The following INTS10 variants were observed in gnomAD, a reference collection of about 807,000 sequenced individuals.
The protein encoded by INTS10 is chromosome 8 open reading frame 35.
A neutral mutation model predicts 94.4 loss-of-function variants in INTS10; 44 were observed. That is an observed-to-expected ratio of 0.47 (90% confidence interval 0.37 to 0.60). The LOEUF is 0.60. Ranked by LOEUF, INTS10 falls within the 20% of genes least tolerant of loss-of-function variation. The probability of loss-of-function intolerance (pLI) is 0.00; values close to 1 mark genes in which losing one functional copy is unlikely to be tolerated. For missense variants in INTS10, 797 were observed against 868.7 expected (o/e 0.92, Z 1.04); for synonymous variants, 341 against 320.7 (o/e 1.06, Z -0.68).
intron 3 of INTS10, 41 bp downstream of exon 3, chr8:19,819,717 A>G (rs781517568): frequency 7.1e-7 from 1 of 1,408,008 alleles, no homozygotes; most frequent in African/African-American, 1.4e-5. Flanking sequence ...CGGGAATACC[A>G]AATCATATAT....
At chr8:19,833,898 T>A (rs932699440) in intron 12 of INTS10, among the ~76,000 whole-genome samples, 1 of 151,826 alleles carries the variant, frequency 6.6e-6, no homozygotes, top group Admixed American at 6.6e-5. Flanking sequence ...TCCCAACTAC[T>A]TGGGAGACTG....
intron 13 of INTS10, chr8:19,841,702 C>T: frequency 2.4e-6 from 1 of 411,104 alleles, no homozygotes; most frequent in East Asian, 7.3e-5. Flanking sequence ...AGTCATGCAA[C>T]CATTCTGGAA....
chr8:19,841,692 A>G, intron 13 of INTS10: 1 of 397,716 alleles, frequency 2.5e-6, no homozygotes, highest in Admixed American at 2.9e-5. Flanking sequence ...AGGTGTATAA[A>G]GTCATGCAAC....
rs1183082274 is a variant in INTS10 at position 19,830,629 on chromosome 8, G to C, written c.1294+70G>C. The C allele has an allele frequency of 1.2e-5, 17 of 1,395,502 alleles. No homozygotes were observed. In the South Asian group the frequency reaches 1.9e-4, roughly 16 times the overall value. The allele number at this position is 1,395,502 out of a possible 1,614,324, so 86.4% of individuals were successfully genotyped here. A position where few individuals can be genotyped will look rare whatever the true frequency, so the allele number is the denominator to read the frequency against. On this transcript the variant is annotated intron_variant, in intron 10 of 16. Transcript: ENST00000397977. ...AATCATTACGCTACTTCAAATGTCA[G>C]GTCACTTACGGCAAATTAAGTTGAT...
At position 19,824,837 on chromosome 8, in the gene INTS10, C is replaced by G. The variant is rs371178343; in HGVS notation, c.871C>G (p.Leu291Val). The G allele has an allele frequency of 1.2e-6, 2 of 1,611,670 alleles. No individual in the cohort carries two copies. Among genetic ancestry groups the G allele is most frequent in the African/African-American group, 1.3e-5 (1 of 74,856 alleles). Residue 291 changes from leucine (L) to valine (V), a missense_variant, in exon 8 of 17, where the codon CTC becomes GTC. Leu to Val is a conservative substitution (Grantham distance 32, BLOSUM62 1). This residue lies in a region of INTS10 where 734 missense variants were observed against 787.8 expected (regional missense o/e 0.93). Transcript: ENST00000397977. ...AGATATTTTGCATAGAATGAAGGATCTCTGCAGATACATGAACAACTTTGA... is the reference window on the plus strand; with the variant it reads ...AGATATTTTGCATAGAATGAAGGATGTCTGCAGATACATGAACAACTTTGA... The part of the protein sequence containing the change: ...YGDILHRMKD[L>V]CRYMNNFDSE...
Position 19,837,094 on chromosome 8 carries a change from C to T in INTS10, c.1573C>T (p.Leu525Phe). The T allele has an allele frequency of 1.2e-6, 2 of 1,613,844 alleles. No individual in the cohort carries two copies. The highest frequency in any genetic ancestry group is 1.7e-6 in the Non-Finnish European group (2 of 1,179,744). The change falls in exon 13 of 17, where the codon CTC becomes TTC. Residue 525 changes from leucine (L) to phenylalanine (F), a missense_variant. Around this residue, in one of 3 missense-constraint regions of INTS10, gnomAD observed 734 missense variants for 787.8 expected, o/e 0.93. Transcript: ENST00000397977. Reference protein sequence around the residue: ...KVLDLMCYMVLPIQDGGKSQE... With the variant: ...KVLDLMCYMVFPIQDGGKSQE... ...CCTTGATTTGATGTGCTACATGGTA[C>T]TCCCCATTCAAGATGGAGGCAAATC...
In INTS10 at chr8:19,837,378, T is replaced by C. The variant is rs529247439; in HGVS notation, c.1639+218T>C. The stretch of plus-strand genomic sequence containing the variant: ...AGTTTTAGGACCCAAGGCTGAACAA[T>C]GTTTTACAGTTCCTAATGAGATAAT... On this transcript the variant is annotated intron_variant, in intron 13 of 16. Transcript: ENST00000397977. 17 of 509,470 alleles carry C rather than the reference T, an allele frequency of 3.3e-5. No individual in the cohort carries two copies. The South Asian group carries it at 4.4e-4, about 13-fold the overall frequency. The allele number at this position is 509,470 out of a possible 1,614,324, so 31.6% of individuals were successfully genotyped here.
Position 19,842,989 on chromosome 8 carries a change from G to A in INTS10, c.1719+62G>A, listed in dbSNP as rs1002391812. On this transcript the variant is annotated intron_variant, in intron 14 of 16. Transcript: ENST00000397977. The stretch of plus-strand genomic sequence containing the variant: ...ATTTCAAATATTATTCTCATGACTC[G>A]AGAACTTGAGAACCTTGCTAAGGAT... 13 of 1,103,510 alleles carry A rather than the reference G, an allele frequency of 1.2e-5. No homozygotes were observed. The African/African-American group carries it at 1.2e-4, about 11-fold the overall frequency. The allele number at this position is 1,103,510 out of a possible 1,614,324, so 68.4% of individuals were successfully genotyped here.
rs192758273 is a variant in INTS10, at chr8:19,825,421, G to A, written c.1006+449G>A. On this transcript the variant is annotated intron_variant, in intron 8 of 16. Coordinates refer to ENST00000397977, the MANE Select transcript of INTS10 (RefSeq NM_018142.4). ...GGCACCTGTAATCCCAGCTACTTGGGAACCTGAGGCAGGAGAATCGCCTGA... is the reference window on the plus strand; with the variant it reads ...GGCACCTGTAATCCCAGCTACTTGGAAACCTGAGGCAGGAGAATCGCCTGA... Among the ~76,000 whole-genome samples the A allele has an allele frequency of 1.6e-4, 24 of 151,836 alleles. No homozygotes were observed. In the East Asian group the frequency reaches 2.5e-3, roughly 16 times the overall value.
chr8:19,822,041 T>G (rs1215650670), intron 4 of INTS10: 1 of 160,062 alleles, frequency 6.2e-6, no homozygotes, highest in Admixed American at 6.3e-5. Flanking sequence ...TGATACGTTT[T>G]GTCTATATTG....
intron 12 of INTS10, among the ~76,000 whole-genome samples, chr8:19,836,428 G>A (rs560011481): frequency 1.3e-5 from 2 of 152,276 alleles, no homozygotes; most frequent in Admixed American, 1.3e-4. Flanking sequence ...CAGTGCATCC[G>A]TCCAGTGTCT....
At chr8:19,835,024 T>G (rs998644259) in intron 12 of INTS10, among the ~76,000 whole-genome samples, 1 of 151,892 alleles carries the variant, frequency 6.6e-6, no homozygotes, top group Non-Finnish European at 1.5e-5. Flanking sequence ...TGCCCTCACA[T>G]TGGGGGTTAG....
Position 19,819,659 on chromosome 8 carries a change from A to C in INTS10, c.284A>C (p.Gln95Pro). The C allele has an allele frequency of 5.0e-6, 8 of 1,612,442 alleles. No homozygotes were observed. The highest frequency in any genetic ancestry group is 2.2e-5 in the East Asian group (1 of 44,822). Reference sequence around the variant, plus strand: ...TTAAGGAACGATTCACAGGACAAACAAACCCAATTTTTAAGAAGTAAGAAT... The same window carrying C: ...TTAAGGAACGATTCACAGGACAAACCAACCCAATTTTTAAGAAGTAAGAAT... ...SALRNDSQDKQTQFLRSLFET... is the reference protein window; with the variant it reads ...SALRNDSQDKPTQFLRSLFET... The change falls in exon 3 of 17, where the codon CAA (glutamine) becomes CCA (proline). Residue 95 changes from glutamine (Q) to proline (P), a missense_variant. Physicochemically the swap from Gln to Pro is moderately conservative, Grantham distance 76. Coordinates refer to ENST00000397977, the MANE Select transcript of INTS10 (RefSeq NM_018142.4).
In INTS10 at chr8:19,851,839, T is replaced by A; in HGVS notation, c.*34T>A. ...CTTTCCACCAGACACAGCTCGGGCC[T>A]GTGTAATTGTAGGAGAAGACACTCA... On this transcript the variant is annotated 3_prime_UTR_variant, in exon 17 of 17. Coordinates refer to ENST00000397977, the MANE Select transcript of INTS10 (RefSeq NM_018142.4). This position sits in a 1 kb window ranked among gnomAD's most constrained non-coding sequence, Gnocchi z 5.0. 1 of 1,597,566 alleles carries A rather than the reference T, an allele frequency of 6.3e-7. No homozygotes were observed. Among genetic ancestry groups the A allele is most frequent in the Non-Finnish European group, 8.6e-7 (1 of 1,166,080 alleles).
intron 10 of INTS10, among the ~76,000 whole-genome samples, chr8:19,831,200 C>T (rs748913170): frequency 6.6e-6 from 1 of 152,118 alleles, no homozygotes; most frequent in Non-Finnish European, 1.5e-5. Flanking sequence ...TCATACAGAG[C>T]CCTTGGCCAG....
At position 19,846,578 on chromosome 8, in the gene INTS10, C is replaced by G. The variant is rs947487761; in HGVS notation, c.1976+781C>G. Among the ~76,000 whole-genome samples the G allele has an allele frequency of 6.6e-6, 1 of 152,086 alleles. No individual in the cohort carries two copies. Among genetic ancestry groups the G allele is most frequent in the Non-Finnish European group, 1.5e-5 (1 of 68,022 alleles). The stretch of plus-strand genomic sequence containing the variant: ...GCAGTCCTCATGACTTACATAACAA[C>G]GAAGTATTAATAGCCAGGTATAGTG... On this transcript the variant is annotated intron_variant, in intron 16 of 16. Coordinates refer to ENST00000397977, the MANE Select transcript of INTS10 (RefSeq NM_018142.4). This position sits in a 1 kb window ranked among gnomAD's most constrained non-coding sequence, Gnocchi z 4.2.
chr8:19,826,278 C>T (rs1467160563), intron 8 of INTS10, 148 bp from the exon 9 acceptor site: 38 of 666,582 alleles, frequency 5.7e-5, no homozygotes, highest in South Asian at 5.5e-4. Context: ...GATGGGGTTT[C>T]GCCATGTTGC....
At chr8:19,848,999 C>G (rs1032948295) in intron 16 of INTS10, 20 of 297,864 alleles carry the variant, frequency 6.7e-5, no homozygotes, top group African/African-American at 3.3e-4. Flanking sequence ...TAGCTTCTCC[C>G]CAGTCTCCTT....
At chr8:19,838,605 G>C (rs770887884) in intron 13 of INTS10, among the ~76,000 whole-genome samples, 14 of 152,072 alleles carry the variant, frequency 9.2e-5, no homozygotes, top group Non-Finnish European at 2.1e-4. Context: ...CAATAACCCT[G>C]ATAGTAAAAC....
Sources: gnomAD v4.1 joint callset for allele counts (sites outside exome capture counted in the v4.1 genomes callset) on GRCh38, gnomAD v4.1.1 for gene constraint, gnomAD v4.1.1 regional missense constraint, Gnocchi (gnomAD v3.1) non-coding constraint, MANE v1.5 for transcripts, NCBI Gene and HGNC (gene_info 2026-07-23, HGNC 2026-07-21) for gene names.